Variants in ZBED6 observed in about 807,000 individuals in gnomAD.
The protein encoded by ZBED6 is zinc finger BED domain-containing protein 6.
Under a neutral mutation model 58.4 loss-of-function variants are expected in ZBED6, and 40 were observed. The observed-to-expected ratio is 0.68, with a 90% CI of 0.53 to 0.89. The LOEUF (loss-of-function observed/expected upper bound fraction) is 0.89. Ranked by LOEUF, ZBED6 falls within the 40% of genes least tolerant of loss-of-function variation. The pLI is 0.00. For synonymous variants in ZBED6, 439 were observed against 350.6 expected, an observed-to-expected ratio of 1.25 and a Z score of -2.82; for missense variants, 1,057 against 1,003.9, an observed-to-expected ratio of 1.05 and a Z score of -0.71.
intron 8 of ZBED6, among the ~76,000 whole-genome samples, chr1:203,832,764 AAG>A (rs1682811371): frequency 6.6e-6 from 1 of 152,232 alleles, no homozygotes; most frequent in African/African-American, 2.4e-5. Flanking sequence ...AATTAGAAGA[AAG>A]AGAGCTCACT....
At chr1:203,814,350 CCT>C (rs1483281163) in intron 1 of ZBED6, among the ~76,000 whole-genome samples, 1 of 152,094 alleles carries the variant, frequency 6.6e-6, no homozygotes, top group African/African-American at 2.4e-5. Flanking sequence ...ATGGCGAAAC[CCT>C]GTCTCTACTA....
At chr1:203,796,203 A>G (rs1668431581) in exon 1 of ZBED6, 1 of 385,694 alleles carries the variant, frequency 2.6e-6, no homozygotes, top group African/African-American at 2.1e-5. Context: ...CTTCGGGGCA[A>G]CAGTTTCTCT....
At chr1:203,833,618 G>GTTTTTTTTTTTTTTTTT (rs553171669) in intron 8 of ZBED6, among the ~76,000 whole-genome samples, 173 bp from the exon 9 acceptor site, 11 of 124,814 alleles carry the variant, frequency 8.8e-5, no homozygotes, top group Non-Finnish European at 1.5e-4. Flanking sequence ...ATAGGTTTGG[G>GTTTTTTTTTTTTTTTTT]TTTTTTTTTT....
At position 203,819,063 on chromosome 1, in the gene ZBED6, G is replaced by A. The variant is rs557635180; in HGVS notation, c.*2873+374G>A. On this transcript the variant is annotated intron_variant, in intron 3 of 16. Transcript: ENST00000550078. ...CAGCCTGGTGACAGAGCAACACTCC[G>A]TCTCAAAAAAAAAAATATATATATA... Among the ~76,000 whole-genome samples the A allele has an allele frequency of 1.3e-4, 13 of 103,020 alleles. No homozygotes were observed. In the South Asian group the frequency reaches 2.1e-3, roughly 17 times the overall value. 67.6% of individuals were successfully genotyped at this position (103,020 alleles called of 152,430 possible). A position where few individuals can be genotyped will look rare whatever the true frequency, so the allele number is the denominator to read the frequency against.
chr1:203,837,017 T>G (rs920847314), intron 9 of ZBED6, among the ~76,000 whole-genome samples: 1 of 152,136 alleles, frequency 6.6e-6, no homozygotes, highest in South Asian at 2.1e-4. Flanking sequence ...TTAAGATTTT[T>G]GGGGGGGCCT....
In ZBED6 at chr1:203,799,283, T is replaced by A; in HGVS notation, c.1761T>A (p.Cys587Ter). 1.4e-6 allele frequency: 1 copy of A among 728,672 alleles called. No homozygotes were observed. Among genetic ancestry groups the A allele is most frequent in the East Asian group, 2.7e-5 (1 of 37,380 alleles). 45.1% of individuals were successfully genotyped at this position (728,672 alleles called of 1,614,324 possible). Residue 587 changes from cysteine to a stop codon, truncating the protein, a stop_gained, in exon 1 of 17, where the codon TGT (cysteine) becomes TGA (stop). Transcript: ENST00000550078. LOFTEE classifies it high-confidence loss of function. ...CCCATGTGCCATGCTTCCTGCATTG[T>A]TTAAATATGGTCATTCAGGACTTTT...
At chr1:203,818,658 A>G in exon 3 of ZBED6, 1 of 1,614,228 alleles carries the variant, frequency 6.2e-7, no homozygotes, top group Non-Finnish European at 8.5e-7. Context: ...TGTTTTCGAC[A>G]GGTGTGCAGG....
intron 1 of ZBED6, among the ~76,000 whole-genome samples, chr1:203,815,216 C>CTTTTTT (rs59254922): frequency 0.011 from 1,100 of 96,992 alleles, 84 homozygotes; most frequent in South Asian, 0.039. Context: ...CTTTTCTTTT[C>CTTTTTT]TTTTTTTTTT....
chr1:203,817,643 T>G lies in ZBED6; in HGVS notation c.*2753+519T>G, dbSNP rs144902688. ...TTGTCAAAACTTCTGTTTTTCTCCT[T>G]GATTCTTTTGCAGCTCTATTTACAT... On this transcript the variant is annotated intron_variant, in intron 2 of 16. Coordinates refer to ENST00000550078, the Ensembl canonical transcript of ZBED6. Among the ~76,000 whole-genome samples the G allele has an allele frequency of 5.8e-3, 876 of 152,232 alleles. 11 individuals carry two copies. Among genetic ancestry groups the G allele is most frequent in the African/African-American group, 0.018 (731 of 41,578 alleles).
exon 14 of ZBED6, chr1:203,849,993 T>G: frequency 6.2e-7 from 1 of 1,613,952 alleles, no homozygotes; most frequent in Non-Finnish European, 8.5e-7. Context: ...GAATGTGAAA[T>G]GTGCAGCACA....
exon 1 of ZBED6, chr1:203,802,238 A>C (rs1302920931): frequency 1.3e-5 from 2 of 152,570 alleles, no homozygotes; most frequent in African/African-American, 2.4e-5. Flanking sequence ...ATACATAATG[A>C]TATATGTGTA....
exon 1 of ZBED6, chr1:203,800,072 T>C: frequency 2.6e-6 from 4 of 1,536,098 alleles, no homozygotes; most frequent in African/African-American, 1.4e-5. Context: ...CTGTAGACAA[T>C]GTTGCCCTTG....
chr1:203,824,516 T>C (rs935843599), intron 3 of ZBED6, among the ~76,000 whole-genome samples: 1 of 152,138 alleles, frequency 6.6e-6, no homozygotes, highest in African/African-American at 2.4e-5. Flanking sequence ...AATCAGTACT[T>C]GGCCATTCGT....
Position 203,799,573 on chromosome 1 carries a change from TA to T in ZBED6, c.2053del (p.Met685Ter). 1.4e-6 allele frequency: 1 copy of T among 703,078 alleles called. No individual in the cohort carries two copies. The highest frequency in any genetic ancestry group is 2.6e-6 in the Non-Finnish European group (1 of 385,068). 43.6% of individuals were successfully genotyped at this position (703,078 alleles called of 1,614,324 possible). A position where few individuals can be genotyped will look rare whatever the true frequency, so the allele number is the denominator to read the frequency against. On this transcript the variant is annotated frameshift_variant, in exon 1 of 17. Transcript: ENST00000550078. LOFTEE classifies it high-confidence loss of function. ...GTGCTCACCTCCCTTCAGTGGACTCTAATGACTTATGTTTGTGATATTCTTA... is the reference window on the plus strand; with the variant it reads ...GTGCTCACCTCCCTTCAGTGGACTCTATGACTTATGTTTGTGATATTCTTA...
chr1:203,817,150 TTCTTTCTA>T (rs1397865012), intron 2 of ZBED6, 26 bp downstream of exon 2: 1 of 1,567,292 alleles, frequency 6.4e-7, no homozygotes, highest in South Asian at 1.2e-5. Context: ...TTTAAATCAG[TTCTTTCTA>T]CAATTTGCTT....
At chr1:203,850,917 C>G in intron 15 of ZBED6, 140 bp from the exon 16 acceptor site, 1 of 1,217,520 alleles carries the variant, frequency 8.2e-7, no homozygotes, top group Non-Finnish European at 1.2e-6. Context: ...TTTATATACT[C>G]AACCTTTAGA....
chr1:203,851,142 T>A lies in ZBED6; in HGVS notation c.*4873+18T>A. ...AGAGACAGGTAATACTTTGTAATTCTTTCTAAACAAACTCCAGGCCCCTGT... is the reference window on the plus strand; with the variant it reads ...AGAGACAGGTAATACTTTGTAATTCATTCTAAACAAACTCCAGGCCCCTGT... On this transcript the variant is annotated intron_variant, in intron 16 of 16. Transcript: ENST00000550078. The A allele has an allele frequency of 6.2e-7, 1 of 1,613,164 alleles. No homozygotes were observed. Among genetic ancestry groups the A allele is most frequent in the Non-Finnish European group, 8.5e-7 (1 of 1,179,494 alleles).
intron 3 of ZBED6, among the ~76,000 whole-genome samples, chr1:203,819,490 G>A (rs1221920794): frequency 6.7e-6 from 1 of 149,104 alleles, no homozygotes; most frequent in Non-Finnish European, 1.5e-5. Flanking sequence ...TGAAAGTGCT[G>A]GGATTACATG....
At chr1:203,850,965 G>A in intron 15 of ZBED6, 92 bp from the exon 16 acceptor site, 1 of 1,439,640 alleles carries the variant, frequency 6.9e-7, no homozygotes, top group Non-Finnish European at 9.6e-7. Flanking sequence ...AAGAATCATA[G>A]CCACAATTCT....
Sources: allele counts gnomAD v4.1 joint callset (sites outside exome capture counted in the v4.1 genomes callset), GRCh38; gene constraint gnomAD v4.1.1; transcripts MANE v1.5; gene names NCBI Gene and HGNC (gene_info 2026-07-23, HGNC 2026-07-21).